PPM1L: variants seen among roughly 807,000 people sequenced by gnomAD.
The protein encoded by PPM1L is protein phosphatase 1L.
Under a neutral mutation model 31.4 loss-of-function variants are expected in PPM1L, and 13 were observed. The ratio of observed to expected loss-of-function variants is 0.41; its 90% CI spans 0.27 to 0.66. The LOEUF is 0.66. PPM1L is among the 30% of genes least tolerant of loss of function. The pLI is 0.29. For missense variants in PPM1L, 326 were observed against 453.7 expected (o/e 0.72, Z 2.56); for synonymous variants, 184 against 175.4 (o/e 1.05, Z -0.39).
chr3:160,928,998 G>A (rs1386740829), intron 1 of PPM1L, among the ~76,000 whole-genome samples: 1 of 152,090 alleles, frequency 6.6e-6, no homozygotes, highest in African/African-American at 2.4e-5. Context: ...AGTTTTCTTT[G>A]AGGCAAACCT....
intron 2 of PPM1L, among the ~76,000 whole-genome samples, chr3:161,044,603 C>A (rs1719002404): frequency 6.6e-6 from 1 of 151,866 alleles, no homozygotes; most frequent in South Asian, 2.1e-4. Context: ...GCCTGCCCTA[C>A]AAGAGCTCCT....
intron 1 of PPM1L, among the ~76,000 whole-genome samples, chr3:160,897,922 C>T (rs1713403340): frequency 6.6e-6 from 1 of 152,172 alleles, no homozygotes. Context: ...TTTTACAACT[C>T]TGTAATTTAA....
chr3:160,840,743 G>GAGAGAAAGAGAGAGAGAGAGGAGA (rs1159707321), intron 1 of PPM1L, among the ~76,000 whole-genome samples: 43 of 141,118 alleles, frequency 3.0e-4, no homozygotes, highest in African/African-American at 1.1e-3. Flanking sequence ...AGAGAGAGAA[G>GAGAGAAAGAGAGAGAGAGAGGAGA]GAGAGAGAGA....
At chr3:161,049,968 C>A (rs1044325936) in intron 2 of PPM1L, among the ~76,000 whole-genome samples, 1 of 152,192 alleles carries the variant, frequency 6.6e-6, no homozygotes, top group African/African-American at 2.4e-5. Flanking sequence ...GTTCCTGCTG[C>A]CGTCTGCCAC....
intron 2 of PPM1L, among the ~76,000 whole-genome samples, chr3:161,024,902 G>T (rs1473958476): frequency 6.6e-6 from 1 of 152,142 alleles, no homozygotes; most frequent in Non-Finnish European, 1.5e-5. Flanking sequence ...CACAGAGTTG[G>T]CTAGAGAGGA....
At position 161,022,268 on chromosome 3, in the gene PPM1L, A is replaced by G. The variant is rs143274128; in HGVS notation, c.575-43135A>G. Reference sequence around the variant, plus strand: ...TTAAACAAAGACTTTGCTTTAATATACCACTATTCCCTCCCCATTCTCTGT... The same window carrying G: ...TTAAACAAAGACTTTGCTTTAATATGCCACTATTCCCTCCCCATTCTCTGT... On this transcript the variant is annotated intron_variant, in intron 2 of 3. Transcript: ENST00000498165. 3.0e-3 allele frequency: 1,706 copies of G among 577,120 alleles called. 7 individuals carry two copies. The highest frequency in any genetic ancestry group is 4.3e-3 in the Non-Finnish European group (1,396 of 324,624). 35.7% of individuals were successfully genotyped at this position (577,120 alleles called of 1,614,324 possible).
intron 2 of PPM1L, among the ~76,000 whole-genome samples, chr3:161,003,464 C>T (rs545888710): frequency 1.8e-4 from 27 of 151,672 alleles, no homozygotes; most frequent in African/African-American, 5.6e-4. Context: ...ATTCTTCCTA[C>T]CCATGAGCAT....
intron 2 of PPM1L, among the ~76,000 whole-genome samples, chr3:160,987,768 G>A (rs777383177): frequency 6.6e-6 from 1 of 152,190 alleles, no homozygotes; most frequent in African/African-American, 2.4e-5. Flanking sequence ...GTGAGTTTTA[G>A]TGCAATGATT....
intron 2 of PPM1L, among the ~76,000 whole-genome samples, chr3:161,051,578 G>A (rs915033774): frequency 2.1e-4 from 32 of 152,238 alleles, no homozygotes; most frequent in African/African-American, 7.7e-4. Context: ...ATTTTATCAG[G>A]TCATTGGGAC....
At chr3:160,845,100 A>C (rs955505332) in intron 1 of PPM1L, among the ~76,000 whole-genome samples, 2 of 152,192 alleles carry the variant, frequency 1.3e-5, no homozygotes, top group Non-Finnish European at 2.9e-5. Context: ...TTGCAGAATA[A>C]TATTCCATTG....
intron 1 of PPM1L, among the ~76,000 whole-genome samples, chr3:160,960,555 G>GTT (rs1284549193): frequency 3.1e-4 from 32 of 103,282 alleles, no homozygotes; most frequent in African/African-American, 1.3e-3. Flanking sequence ...TTTTTTAGCA[G>GTT]TTTTGTGTGT....
intron 1 of PPM1L, among the ~76,000 whole-genome samples, chr3:160,941,519 G>A (rs1026507894): frequency 2.0e-5 from 3 of 152,138 alleles, no homozygotes; most frequent in Non-Finnish European, 2.9e-5. Context: ...TAAGTCTCAC[G>A]AGACCTGATG....
At chr3:160,858,228 T>C (rs182011845) in intron 1 of PPM1L, among the ~76,000 whole-genome samples, 3 of 152,316 alleles carry the variant, frequency 2.0e-5, no homozygotes, top group Admixed American at 2.0e-4. Context: ...AAAGCAAAGT[T>C]ATTTAAAATT....
intron 1 of PPM1L, among the ~76,000 whole-genome samples, chr3:160,895,525 T>C (rs942563944): frequency 2.6e-5 from 4 of 152,208 alleles, no homozygotes; most frequent in Admixed American, 2.6e-4. Flanking sequence ...GCCCACCTGC[T>C]GTTTTAATTT....
chr3:160,894,471 GC>G (rs1275535119), intron 1 of PPM1L, among the ~76,000 whole-genome samples: 3 of 152,012 alleles, frequency 2.0e-5, no homozygotes, highest in Admixed American at 2.0e-4. Context: ...CTTTTGAATG[GC>G]CCCTCACACA....
intron 2 of PPM1L, among the ~76,000 whole-genome samples, chr3:161,055,012 G>T (rs148091817): frequency 0.011 from 1,747 of 151,990 alleles, 49 homozygotes; most frequent in African/African-American, 0.04. Context: ...TCTCTTCACA[G>T]AGTTAGACTA....
At chr3:161,021,989 TTA>T (rs1266554858) in intron 2 of PPM1L, among the ~76,000 whole-genome samples, 2 of 152,088 alleles carry the variant, frequency 1.3e-5, no homozygotes, top group African/African-American at 4.8e-5. Flanking sequence ...TTTAATTCAT[TTA>T]TGTTTAAGGT....
At chr3:160,861,708 T>C (rs1415841009) in intron 1 of PPM1L, among the ~76,000 whole-genome samples, 2 of 152,168 alleles carry the variant, frequency 1.3e-5, no homozygotes, top group African/African-American at 4.8e-5. Flanking sequence ...AGTTTGTTAT[T>C]ATGGCTCTGA....
chr3:160,925,739 A>G (rs904960431), intron 1 of PPM1L, among the ~76,000 whole-genome samples: 2 of 152,208 alleles, frequency 1.3e-5, no homozygotes, highest in East Asian at 3.8e-4. Flanking sequence ...TGATATAAGT[A>G]AGACAGATAT....
Sources: allele counts gnomAD v4.1 joint callset (sites outside exome capture counted in the v4.1 genomes callset), GRCh38; gene constraint gnomAD v4.1.1; transcripts MANE v1.5; gene names NCBI Gene and HGNC (gene_info 2026-07-23, HGNC 2026-07-21).